Variants in USH2A observed in about 807,000 individuals in gnomAD.
The protein encoded by USH2A is Usher syndrome 2A (autosomal recessive, mild).
USH2A carries 443 observed loss-of-function variants against 538.9 expected under a neutral mutation model. The observed-to-expected ratio is 0.82, with a 90% confidence interval of 0.76 to 0.89. USH2A has a LOEUF of 0.89. USH2A is among the 40% of genes least tolerant of loss of function. USH2A has a pLI of 0.00. For missense variants in USH2A, 6,633 were observed against 6,324.8 expected (o/e 1.05, Z -1.65); for synonymous variants, 2,413 against 2,273.5 (o/e 1.06, Z -1.75).
chr1:215,954,083 T>C (rs1461215062), intron 37 of USH2A, among the ~76,000 whole-genome samples: 2 of 152,096 alleles, frequency 1.3e-5, no homozygotes, highest in Non-Finnish European at 2.9e-5. Flanking sequence ...GGAGAGGATG[T>C]GGAGAAATAG....
chr1:215,718,205 C>T (rs1182334622), intron 61 of USH2A, among the ~76,000 whole-genome samples: 1 of 152,114 alleles, frequency 6.6e-6, no homozygotes, highest in East Asian at 1.9e-4. Context: ...CATATGTATT[C>T]ACAGGTGGTG....
rs1558097539 is a variant in USH2A at position 215,786,794 on chromosome 1, G to A, written c.10263C>T (p.Thr3421=). 1.9e-6 allele frequency: 3 copies of A among 1,613,674 alleles called. No individual in the cohort carries two copies. The highest frequency in any genetic ancestry group is 3.3e-5 in the Admixed American group (2 of 59,948). The stretch of plus-strand genomic sequence containing the variant: ...CTCTTATCACAGTGCAAATGTGGCT[G>A]GTAAAGTTGAAGTCACACCTGCCAC... ...EHCGRCDFNF[T]SHICTVIRGS... Residue 3421 remains threonine (T), a synonymous_variant, in exon 52 of 72, where the codon ACC becomes ACT. Transcript: ENST00000307340.
intron 35 of USH2A, among the ~76,000 whole-genome samples, chr1:215,991,285 T>A (rs1464558324): frequency 6.6e-6 from 1 of 152,182 alleles, no homozygotes; most frequent in Non-Finnish European, 1.5e-5. Context: ...AAGTTGGTAG[T>A]AACCTGAATA....
intron 21 of USH2A, among the ~76,000 whole-genome samples, chr1:216,161,738 A>T (rs1399598205): frequency 6.6e-6 from 1 of 152,054 alleles, no homozygotes; most frequent in Non-Finnish European, 1.5e-5. Context: ...GTTAAGAAAA[A>T]TATTTTATTT....
intron 61 of USH2A, among the ~76,000 whole-genome samples, chr1:215,704,144 C>T (rs1454525905): frequency 6.6e-6 from 1 of 152,218 alleles, no homozygotes; most frequent in Non-Finnish European, 1.5e-5. Flanking sequence ...GGGCTGCACC[C>T]ACTGTCCAAC....
chr1:216,420,100 T>C (rs918690775), intron 2 of USH2A, among the ~76,000 whole-genome samples: 15 of 152,142 alleles, frequency 9.9e-5, no homozygotes, highest in Non-Finnish European at 2.1e-4. Context: ...TAGTTGAATA[T>C]TTCTAATTTA....
At chr1:215,983,958 T>G (rs1410544581) in intron 35 of USH2A, among the ~76,000 whole-genome samples, 1 of 152,134 alleles carries the variant, frequency 6.6e-6, no homozygotes, top group East Asian at 1.9e-4. Flanking sequence ...AAATGTAGCC[T>G]TTACTGGAGG....
intron 37 of USH2A, among the ~76,000 whole-genome samples, chr1:215,946,179 T>A (rs1666752983): frequency 6.6e-6 from 1 of 152,164 alleles, no homozygotes; most frequent in South Asian, 2.1e-4. Context: ...GACCTATAGA[T>A]CCAAACTATT....
chr1:215,697,540 A>C (rs111959740), intron 61 of USH2A, among the ~76,000 whole-genome samples: 6 of 151,080 alleles, frequency 4.0e-5, no homozygotes, highest in Non-Finnish European at 8.9e-5. Flanking sequence ...TTTTTTGTTG[A>C]GATGGAGTTT....
intron 55 of USH2A, among the ~76,000 whole-genome samples, chr1:215,775,851 G>A (rs1227824517): frequency 1.3e-5 from 2 of 152,154 alleles, no homozygotes; most frequent in Non-Finnish European, 2.9e-5. Context: ...GATGAGAAAC[G>A]AAAGTAAATT....
At chr1:215,871,215 C>A (rs996364827) in intron 43 of USH2A, among the ~76,000 whole-genome samples, 12 of 152,150 alleles carry the variant, frequency 7.9e-5, no homozygotes, top group Non-Finnish European at 1.8e-4. Context: ...ATGGTATAGA[C>A]ATGACTATGG....
intron 37 of USH2A, among the ~76,000 whole-genome samples, chr1:215,951,346 C>T (rs1447317116): frequency 6.6e-6 from 1 of 152,174 alleles, no homozygotes; most frequent in Admixed American, 6.6e-5. Context: ...TGCTCAGTTT[C>T]CATGTAGTTG....
intron 52 of USH2A, among the ~76,000 whole-genome samples, chr1:215,784,281 C>T (rs970118944): frequency 4.6e-5 from 7 of 152,184 alleles, no homozygotes; most frequent in East Asian, 1.9e-4. Flanking sequence ...TGCATACCTT[C>T]GGTTGCCATT....
intron 60 of USH2A, among the ~76,000 whole-genome samples, chr1:215,738,760 A>G (rs569005580): frequency 2.0e-5 from 3 of 152,260 alleles, no homozygotes; most frequent in African/African-American, 7.2e-5. Context: ...GCCAAATCCT[A>G]TCTTTGGTTT....
At chr1:215,947,788 AATT>A (rs1666794864) in intron 37 of USH2A, among the ~76,000 whole-genome samples, 1 of 152,248 alleles carries the variant, frequency 6.6e-6, no homozygotes, top group Non-Finnish European at 1.5e-5. Context: ...CTTTTAAAAA[AATT>A]AATACATTTT....
intron 55 of USH2A, among the ~76,000 whole-genome samples, chr1:215,773,512 G>GTCTCTCTCTCTCTCTCTCTCTCTCTCTC: frequency 1.1e-5 from 1 of 94,862 alleles, no homozygotes; most frequent in Non-Finnish European, 2.2e-5. Flanking sequence ...CTCTCTCTCT[G>GTCTCTCTCTCTCTCTCTCTCTCTCTCTC]TCTCTCTCTC....
intron 41 of USH2A, chr1:215,886,469 G>A (rs1328712411): frequency 1.3e-5 from 2 of 152,148 alleles, no homozygotes; most frequent in East Asian, 1.9e-4. Flanking sequence ...ACTAGACTCA[G>A]TTGAATATTC....
intron 14 of USH2A, among the ~76,000 whole-genome samples, chr1:216,222,680 A>C (rs535659118): frequency 1.2e-4 from 18 of 152,194 alleles, no homozygotes; most frequent in Admixed American, 3.3e-4. Context: ...GGAAGGAGCC[A>C]TGAGCTAAAG....
chr1:215,715,078 T>C (rs1333520234), intron 61 of USH2A, among the ~76,000 whole-genome samples: 2 of 152,170 alleles, frequency 1.3e-5, no homozygotes, highest in Non-Finnish European at 2.9e-5. Flanking sequence ...CTGCACCTAT[T>C]AACCCATCAC....
Sources: gnomAD v4.1 joint callset for allele counts (sites outside exome capture counted in the v4.1 genomes callset) on GRCh38, gnomAD v4.1.1 for gene constraint, MANE v1.5 for transcripts, NCBI Gene and HGNC (gene_info 2026-07-23, HGNC 2026-07-21) for gene names.